The following CRIM1 variants were observed in gnomAD, a reference collection of about 807,000 sequenced individuals.
The protein encoded by CRIM1 is cysteine rich transmembrane BMP regulator 1, also known as cysteine-rich motor neuron 1 protein.
In CRIM1, 32 loss-of-function variants were observed where a neutral mutation model predicts 116.4. The ratio of observed to expected loss-of-function variants is 0.27; its 90% CI spans 0.21 to 0.37. The LOEUF (loss-of-function observed/expected upper bound fraction) is 0.37. Ranked by LOEUF, CRIM1 falls within the 10% of genes least tolerant of loss-of-function variation. The pLI, the probability that CRIM1 is intolerant of heterozygous loss-of-function variation, is 1.00. For missense variants in CRIM1, 1,331 were observed against 1,354.8 expected (o/e 0.98, Z 0.28); for synonymous variants, 590 against 509.2 (o/e 1.16, Z -2.13).
At chr2:36,497,200 T>C (rs1221794322) in intron 7 of CRIM1, among the ~76,000 whole-genome samples, 1 of 151,880 alleles carries the variant, frequency 6.6e-6, no homozygotes, top group African/African-American at 2.4e-5. Flanking sequence ...GACATTTCTT[T>C]ACCCATAAGC....
Position 36,356,388 on chromosome 2 carries a change from C to G in CRIM1, c.96C>G (p.Thr32=). The G allele has an allele frequency of 6.3e-7, 1 of 1,599,984 alleles. No individual in the cohort carries two copies. Among genetic ancestry groups the G allele is most frequent in the Non-Finnish European group, 8.5e-7 (1 of 1,175,340 alleles). The part of the protein sequence containing the change: ...GLLLLLARSG[T]RALVCLPCDE... ...TGCTGCTGCTGGCGCGCTCCGGCAC[C>G]CGGGCGCTGGTCTGCCTGCCCTGTG... is the stretch of plus-strand genomic sequence containing the variant. Residue 32 remains threonine (T), a synonymous_variant, in exon 1 of 17, where the codon ACC becomes ACG. Transcript: ENST00000280527. This position sits in a 1 kb window ranked among gnomAD's most constrained non-coding sequence, Gnocchi z 4.3.
At chr2:36,397,503 C>T (rs1011150978) in intron 2 of CRIM1, among the ~76,000 whole-genome samples, 1 of 152,008 alleles carries the variant, frequency 6.6e-6, no homozygotes. Context: ...TCAGCTCTGC[C>T]GCTAACCAGC....
intron 5 of CRIM1, among the ~76,000 whole-genome samples, chr2:36,469,818 C>T (rs1264201992): frequency 1.3e-5 from 2 of 152,110 alleles, no homozygotes; most frequent in African/African-American, 2.4e-5. Flanking sequence ...CCCTCGTGTT[C>T]CTGGGGCCTT....
chr2:36,388,326 A>G (rs1671325729), intron 1 of CRIM1, among the ~76,000 whole-genome samples: 1 of 152,198 alleles, frequency 6.6e-6, no homozygotes, highest in Admixed American at 6.5e-5. Context: ...CTTACTCTAC[A>G]TAGTGACTTT....
chr2:36,364,508 C>G (rs188493295), intron 1 of CRIM1, among the ~76,000 whole-genome samples: 1 of 152,146 alleles, frequency 6.6e-6, no homozygotes. Flanking sequence ...AAGAGGGAGT[C>G]TAACCCAAAT....
chr2:36,417,982 G>A (rs1171747729), intron 2 of CRIM1, among the ~76,000 whole-genome samples: 4 of 152,168 alleles, frequency 2.6e-5, no homozygotes, highest in African/African-American at 4.8e-5. Context: ...GGAGGTGATG[G>A]TGGTGGTGGG....
At position 36,452,443 on chromosome 2, in the gene CRIM1, G is replaced by C. The variant is rs1676804840; in HGVS notation, c.869+9708G>C. On this transcript the variant is annotated intron_variant, in intron 4 of 16. Coordinates refer to ENST00000280527, the MANE Select transcript of CRIM1 (RefSeq NM_016441.3). The stretch of plus-strand genomic sequence containing the variant: ...TGTCACAGTAATTTTTGGCCCAAAA[G>C]AGCGAGTCAACTCATGACTAAAAAA... 3.3e-5 allele frequency among the ~76,000 whole-genome samples: 5 copies of C among 152,132 alleles called. 1 individual carries two copies. In the South Asian group the frequency reaches 1.0e-3, roughly 32 times the overall value.
intron 7 of CRIM1, among the ~76,000 whole-genome samples, chr2:36,495,571 T>C (rs568666676): frequency 3.3e-4 from 50 of 151,216 alleles, no homozygotes; most frequent in Admixed American, 6.0e-4. Context: ...CCAGGAACTC[T>C]CTTGGATAAA....
intron 2 of CRIM1, among the ~76,000 whole-genome samples, chr2:36,427,620 T>TGG (rs1674558960): frequency 6.6e-6 from 1 of 152,208 alleles, no homozygotes; most frequent in South Asian, 2.1e-4. Context: ...GAAGAGCTTC[T>TGG]ACTTTCCTCT....
At chr2:36,411,662 T>TTGTGTG (rs58015078) in intron 2 of CRIM1, among the ~76,000 whole-genome samples, 26,309 of 150,058 alleles carry the variant, frequency 0.18, 2,441 homozygotes, top group East Asian at 0.27. Context: ...ATCTTATTCT[T>TTGTGTG]TGTGTGTGTG....
chr2:36,371,343 G>C (rs2148305450), intron 1 of CRIM1, among the ~76,000 whole-genome samples: 1 of 151,842 alleles, frequency 6.6e-6, no homozygotes, highest in Non-Finnish European at 1.5e-5. Flanking sequence ...TCACATTTCT[G>C]TCTCTCTGCC....
intron 2 of CRIM1, among the ~76,000 whole-genome samples, chr2:36,398,630 AT>A (rs1353135605): frequency 1.3e-5 from 2 of 152,096 alleles, no homozygotes; most frequent in African/African-American, 4.8e-5. Flanking sequence ...TTTCCAACTT[AT>A]TATTTCAGAT....
rs111825262 is a variant in CRIM1, at chr2:36,364,342, A to G, written c.331+7719A>G. Among the ~76,000 whole-genome samples, 6 of 152,346 alleles carry G rather than the reference A, an allele frequency of 3.9e-5. No homozygotes were observed. The East Asian group carries it at 7.7e-4, about 20-fold the overall frequency. The stretch of plus-strand genomic sequence containing the variant: ...AAAGACCTGATAAATGTTACCTGCT[A>G]TTATAGTCATTATTTTTCAGCCAAA... On this transcript the variant is annotated intron_variant, in intron 1 of 16. Coordinates refer to ENST00000280527, the MANE Select transcript of CRIM1 (RefSeq NM_016441.3).
At chr2:36,391,871 T>C (rs2148364470) in intron 1 of CRIM1, among the ~76,000 whole-genome samples, 1 of 152,228 alleles carries the variant, frequency 6.6e-6, no homozygotes, top group South Asian at 2.1e-4. Flanking sequence ...CAAATTGTGC[T>C]AGTAAGTTAC....
chr2:36,356,860 G>C lies in CRIM1; in HGVS notation c.331+237G>C, dbSNP rs1423184742. 6.6e-6 allele frequency among the ~76,000 whole-genome samples: 1 copy of C among 152,206 alleles called. No homozygotes were observed. The highest frequency in any genetic ancestry group is 2.4e-5 in the African/African-American group (1 of 41,454). ...TATGGTGGGTGGGGGCGAGCGAGTGGAGGATCGCCCCTGTCCCCGCGCAGA... is the reference window on the plus strand; with the variant it reads ...TATGGTGGGTGGGGGCGAGCGAGTGCAGGATCGCCCCTGTCCCCGCGCAGA... On this transcript the variant is annotated intron_variant, in intron 1 of 16. Transcript: ENST00000280527. This position sits in a 1 kb window ranked among gnomAD's most constrained non-coding sequence, Gnocchi z 4.3.
At chr2:36,476,742 T>C (rs1285370062) in intron 5 of CRIM1, 147 bp from the exon 6 acceptor site, 16 of 651,322 alleles carry the variant, frequency 2.5e-5, no homozygotes. Context: ...TATTGTTTTC[T>C]GTTACATGAA....
At chr2:36,406,622 TCCCC>T (rs77778781) in intron 2 of CRIM1, among the ~76,000 whole-genome samples, 1 of 105,964 alleles carries the variant, frequency 9.4e-6, no homozygotes, top group Non-Finnish European at 1.9e-5. Context: ...ATTTGACCCC[TCCCC>T]CCCCCCCAAA....
At chr2:36,444,991 T>C (rs76312371) in intron 4 of CRIM1, among the ~76,000 whole-genome samples, 2,719 of 152,254 alleles carry the variant, frequency 0.018, 69 homozygotes, top group African/African-American at 0.062. Context: ...TCATAACACA[T>C]TGAACATACT....
At chr2:36,477,149 G>T (rs1171711331) in intron 6 of CRIM1, 78 bp downstream of exon 6, 3 of 1,168,368 alleles carry the variant, frequency 2.6e-6, no homozygotes, top group Non-Finnish European at 3.6e-6. Context: ...TCCTAATTCA[G>T]TCTCATCCAA....
Sources: allele counts gnomAD v4.1 joint callset (sites outside exome capture counted in the v4.1 genomes callset), GRCh38; gene constraint gnomAD v4.1.1; non-coding constraint Gnocchi (gnomAD v3.1); transcripts MANE v1.5; gene names NCBI Gene and HGNC (gene_info 2026-07-23, HGNC 2026-07-21).